The following PELI2 variants were observed in gnomAD, a reference collection of about 807,000 sequenced individuals.
PELI2 encodes E3 ubiquitin-protein ligase pellino homolog 2.
In PELI2, 23 loss-of-function variants were observed where a neutral mutation model predicts 42.3. That is an observed-to-expected ratio of 0.54 (90% CI 0.39 to 0.77). PELI2 has a LOEUF of 0.77. Among genes scored for constraint, PELI2 ranks in the 30% least tolerant of loss-of-function variants. PELI2 has a pLI of 0.00. For synonymous variants in PELI2, 245 were observed against 212.2 expected (o/e 1.15, Z -1.34); for missense variants, 463 against 553.2 (o/e 0.84, Z 1.64).
At chr14:56,209,002 T>G (rs755323913) in intron 2 of PELI2, among the ~76,000 whole-genome samples, 1 of 152,228 alleles carries the variant, frequency 6.6e-6, no homozygotes, top group African/African-American at 2.4e-5. Flanking sequence ...TTCCGAATAC[T>G]TAATATTTTT....
At chr14:56,135,899 A>AT (rs1023260832) in intron 1 of PELI2, among the ~76,000 whole-genome samples, 30 of 152,058 alleles carry the variant, frequency 2.0e-4, no homozygotes, top group African/African-American at 4.3e-4. Context: ...TTTGTAGAGG[A>AT]TTTTTTTTAA....
chr14:56,164,693 C>T (rs1339459738), intron 1 of PELI2, among the ~76,000 whole-genome samples: 2 of 151,706 alleles, frequency 1.3e-5, no homozygotes, highest in Non-Finnish European at 3.0e-5. Flanking sequence ...TGGGAGACTT[C>T]TTGTTACAGC....
chr14:56,281,251 A>G (rs1889472797), intron 3 of PELI2, among the ~76,000 whole-genome samples: 1 of 152,170 alleles, frequency 6.6e-6, no homozygotes, highest in Admixed American at 6.5e-5. Flanking sequence ...ACTAGTAAAA[A>G]ACTAAAAATA....
chr14:56,255,449 A>G (rs1459399330), intron 2 of PELI2, among the ~76,000 whole-genome samples: 8 of 152,090 alleles, frequency 5.3e-5, no homozygotes, highest in African/African-American at 1.7e-4. Flanking sequence ...GAATGCATGG[A>G]CACAGGGAGG....
intron 1 of PELI2, among the ~76,000 whole-genome samples, chr14:56,165,545 G>T (rs1190842828): frequency 1.3e-5 from 2 of 152,128 alleles, no homozygotes; most frequent in African/African-American, 2.4e-5. Context: ...CTGAGGAAAA[G>T]AATGTGTATT....
chr14:56,241,595 A>G (rs1430767847), intron 2 of PELI2, among the ~76,000 whole-genome samples: 1 of 152,146 alleles, frequency 6.6e-6, no homozygotes, highest in Non-Finnish European at 1.5e-5. Flanking sequence ...TGTGGAGTAT[A>G]TATTCTGTTG....
chr14:56,166,878 C>T (rs1420741581), intron 1 of PELI2, among the ~76,000 whole-genome samples: 1 of 152,140 alleles, frequency 6.6e-6, no homozygotes, highest in African/African-American at 2.4e-5. Context: ...AGCTCCATCT[C>T]CTGGGTTCAC....
At chr14:56,279,589 A>T in intron 2 of PELI2, 87 bp from the exon 3 acceptor site, 1 of 697,076 alleles carries the variant, frequency 1.4e-6, no homozygotes, top group Non-Finnish European at 2.4e-6. Flanking sequence ...GGGCTTTGCC[A>T]GTAGAGTGGT....
intron 3 of PELI2, among the ~76,000 whole-genome samples, chr14:56,280,179 A>G (rs577893382): frequency 6.6e-6 from 1 of 152,304 alleles, no homozygotes; most frequent in Non-Finnish European, 1.5e-5. Flanking sequence ...GACGAGGCCA[A>G]CATCTTACTC....
chr14:56,127,322 C>T (rs946077745), intron 1 of PELI2, among the ~76,000 whole-genome samples: 3 of 152,024 alleles, frequency 2.0e-5, no homozygotes, highest in South Asian at 2.1e-4. Context: ...AACAGAGATT[C>T]GAGTAGGTGG....
chr14:56,253,899 C>T (rs756924853), intron 2 of PELI2, among the ~76,000 whole-genome samples: 1 of 152,080 alleles, frequency 6.6e-6, no homozygotes. Context: ...CAATTCTAAG[C>T]AAAAAGAACA....
chr14:56,209,888 G>A (rs920705597), intron 2 of PELI2, among the ~76,000 whole-genome samples: 1 of 152,196 alleles, frequency 6.6e-6, no homozygotes, highest in African/African-American at 2.4e-5. Flanking sequence ...GCGCAGCAGG[G>A]TCAGGAACTA....
chr14:56,269,062 T>G (rs1594700672), intron 2 of PELI2, among the ~76,000 whole-genome samples: 1 of 152,318 alleles, frequency 6.6e-6, no homozygotes, highest in East Asian at 1.9e-4. Context: ...TATATAGATA[T>G]GTGACTGAGT....
At chr14:56,264,800 A>G (rs978136115) in intron 2 of PELI2, among the ~76,000 whole-genome samples, 1 of 152,226 alleles carries the variant, frequency 6.6e-6, no homozygotes, top group African/African-American at 2.4e-5. Flanking sequence ...AAATGTTGCA[A>G]CAAGAGGCTC....
intron 3 of PELI2, among the ~76,000 whole-genome samples, chr14:56,286,859 A>G (rs1889662234): frequency 6.6e-6 from 1 of 152,204 alleles, no homozygotes; most frequent in South Asian, 2.1e-4. Context: ...GCAAACTGAT[A>G]AGTCATGTGT....
At chr14:56,260,502 A>G (rs1329643704) in intron 2 of PELI2, among the ~76,000 whole-genome samples, 1 of 152,202 alleles carries the variant, frequency 6.6e-6, no homozygotes, top group East Asian at 1.9e-4. Context: ...CACAGTCATG[A>G]AGGAACTGTT....
At position 56,301,284 on chromosome 14, in the gene PELI2, T is replaced by A. The variant is rs1890162773; in HGVS notation, c.*4118T>A. The A allele has an allele frequency of 6.6e-6, 1 of 152,670 alleles. No homozygotes were observed. The highest frequency in any genetic ancestry group is 2.1e-4 in the South Asian group (1 of 4,834). The allele number at this position is 152,670 out of a possible 1,614,324, so 9.5% of individuals were successfully genotyped here. On this transcript the variant is annotated 3_prime_UTR_variant, in exon 6 of 6. Coordinates refer to ENST00000267460, the MANE Select transcript of PELI2 (RefSeq NM_021255.3). ...TACAGGAAAAAATCTTCAAAAACTA[T>A]TAAATGGATATCAGCCTGTTTGTGA...
intron 2 of PELI2, among the ~76,000 whole-genome samples, chr14:56,179,255 A>G (rs1885499489): frequency 6.6e-6 from 1 of 152,186 alleles, no homozygotes; most frequent in Non-Finnish European, 1.5e-5. Flanking sequence ...ATACGGGGCT[A>G]CTGGCTGTAC....
intron 1 of PELI2, among the ~76,000 whole-genome samples, chr14:56,172,048 G>A (rs1018102196): frequency 1.3e-5 from 2 of 152,148 alleles, no homozygotes; most frequent in African/African-American, 4.8e-5. Flanking sequence ...GATTGGCAGG[G>A]AGAGGATGAC....
Sources: gnomAD v4.1 joint callset for allele counts (sites outside exome capture counted in the v4.1 genomes callset) on GRCh38, gnomAD v4.1.1 for gene constraint, MANE v1.5 for transcripts, NCBI Gene and HGNC (gene_info 2026-07-23, HGNC 2026-07-21) for gene names.